Variants in GRIK1 observed in about 807,000 individuals in gnomAD.
GRIK1 encodes the protein glutamate receptor ionotropic, kainate 1.
In GRIK1, 69 loss-of-function variants were observed where a neutral mutation model predicts 105.7. The observed-to-expected ratio is 0.65, with a 90% CI of 0.54 to 0.80. The LOEUF is 0.80. Ranked by LOEUF, GRIK1 falls within the 30% of genes least tolerant of loss-of-function variation. The pLI, the probability that GRIK1 is intolerant of heterozygous loss-of-function variation, is 0.00. For missense variants in GRIK1, 1,109 were observed against 1,167.3 expected (o/e 0.95, Z 0.73); for synonymous variants, 438 against 431.3 (o/e 1.02, Z -0.19).
chr21:29,737,177 A>G (rs762420930), intron 1 of GRIK1, among the ~76,000 whole-genome samples: 8 of 152,168 alleles, frequency 5.3e-5, no homozygotes, highest in Non-Finnish European at 8.8e-5. Context: ...TGTGGCCTGT[A>G]AGACCTTGCC....
At chr21:29,867,491 G>A (rs1412937299) in intron 1 of GRIK1, among the ~76,000 whole-genome samples, 1 of 151,902 alleles carries the variant, frequency 6.6e-6, no homozygotes, top group Non-Finnish European at 1.5e-5. Flanking sequence ...CCATCACCAC[G>A]ACTTCAGAAA....
chr21:29,927,620 C>T (rs2071421111), intron 1 of GRIK1, among the ~76,000 whole-genome samples: 1 of 151,318 alleles, frequency 6.6e-6, no homozygotes, highest in Admixed American at 6.6e-5. Context: ...CACCTGTAAT[C>T]CCAGCACTTT....
At chr21:29,538,402 C>A (rs1049077448) in intron 16 of GRIK1, among the ~76,000 whole-genome samples, 2 of 151,988 alleles carry the variant, frequency 1.3e-5, no homozygotes, top group African/African-American at 4.8e-5. Flanking sequence ...ATGGTAGTTG[C>A]CAAAGGCTGG....
At chr21:29,673,550 C>T (rs937276022) in intron 3 of GRIK1, among the ~76,000 whole-genome samples, 9 of 152,080 alleles carry the variant, frequency 5.9e-5, no homozygotes, top group Admixed American at 1.3e-4. Flanking sequence ...CTTACAAAGC[C>T]GATAGAATAT....
chr21:29,566,466 T>C (rs925025260), intron 14 of GRIK1, among the ~76,000 whole-genome samples: 3 of 152,228 alleles, frequency 2.0e-5, no homozygotes, highest in Non-Finnish European at 4.4e-5. Flanking sequence ...GCTATCCTCA[T>C]GCTGATGAAA....
chr21:29,922,966 CCTT>C (rs1325711545), intron 1 of GRIK1, among the ~76,000 whole-genome samples: 2 of 152,176 alleles, frequency 1.3e-5, no homozygotes, highest in East Asian at 1.9e-4. Flanking sequence ...AAGCAATCAC[CCTT>C]CTTCTTTCTT....
chr21:29,869,530 C>T (rs755014089), intron 1 of GRIK1, among the ~76,000 whole-genome samples: 1 of 152,204 alleles, frequency 6.6e-6, no homozygotes, highest in Non-Finnish European at 1.5e-5. Flanking sequence ...TAAGTTCTTA[C>T]TACCGGCATG....
At chr21:29,779,795 A>G (rs894561062) in intron 1 of GRIK1, among the ~76,000 whole-genome samples, 1 of 152,198 alleles carries the variant, frequency 6.6e-6, no homozygotes, top group Non-Finnish European at 1.5e-5. Flanking sequence ...GGTCTTATAA[A>G]AAGTTACATT....
intron 1 of GRIK1, among the ~76,000 whole-genome samples, chr21:29,880,167 A>C (rs1316216644): frequency 1.3e-5 from 2 of 152,136 alleles, no homozygotes; most frequent in Non-Finnish European, 2.9e-5. Flanking sequence ...AACACAAAAA[A>C]ACCTCAAGTC....
At chr21:29,872,110 G>T (rs1195368291) in intron 1 of GRIK1, among the ~76,000 whole-genome samples, 1 of 151,672 alleles carries the variant, frequency 6.6e-6, no homozygotes, top group Non-Finnish European at 1.5e-5. Flanking sequence ...AAATATTAAT[G>T]GTGTACGACA....
chr21:29,673,258 A>G (rs997632289), intron 3 of GRIK1, 94 bp from the exon 4 acceptor site: 9 of 757,404 alleles, frequency 1.2e-5, no homozygotes, highest in Non-Finnish European at 1.7e-5. Flanking sequence ...ACTCCAAAAC[A>G]TACCCAGTGG....
At chr21:29,545,237 A>T (rs771247064) in intron 16 of GRIK1, among the ~76,000 whole-genome samples, 1 of 152,240 alleles carries the variant, frequency 6.6e-6, no homozygotes. Flanking sequence ...ATAAGCTTCC[A>T]GTGGGCCTTG....
At chr21:29,631,113 G>A (rs371667887) in intron 7 of GRIK1, among the ~76,000 whole-genome samples, 65 of 152,048 alleles carry the variant, frequency 4.3e-4, no homozygotes, top group Admixed American at 1.0e-3. Flanking sequence ...TAGCCAGTTC[G>A]TGGTAAGTTT....
intron 1 of GRIK1, among the ~76,000 whole-genome samples, chr21:29,878,251 A>G (rs963312641): frequency 1.3e-5 from 2 of 152,154 alleles, no homozygotes; most frequent in African/African-American, 4.8e-5. Context: ...GGTCACCTAT[A>G]GCCTCAGCAA....
chr21:29,743,702 A>T (rs982945794), intron 1 of GRIK1, among the ~76,000 whole-genome samples: 1 of 152,052 alleles, frequency 6.6e-6, no homozygotes, highest in African/African-American at 2.4e-5. Context: ...CTCAGAAAAA[A>T]ATATATATAT....
intron 12 of GRIK1, among the ~76,000 whole-genome samples, chr21:29,586,207 C>T (rs1449571831): frequency 6.6e-6 from 1 of 152,142 alleles, no homozygotes; most frequent in Non-Finnish European, 1.5e-5. Flanking sequence ...AAAATCTGAG[C>T]TTTGGTAAGG....
rs571085419 is a variant in GRIK1, at chr21:29,855,154, C to G, written c.118+84229G>C. On this transcript the variant is annotated intron_variant, in intron 1 of 17. Transcript: ENST00000327783. ...ACTATCAAACTAGTATGTATTGGAA[C>G]CCTGTGAGATATCACTCATTGTCCT... Among the ~76,000 whole-genome samples the G allele has an allele frequency of 2.8e-3, 424 of 152,232 alleles. 3 individuals carry two copies. The highest frequency in any genetic ancestry group is 9.4e-3 in the African/African-American group (389 of 41,528).
At chr21:29,553,534 T>TTC in intron 16 of GRIK1, 1 of 1,060,442 alleles carries the variant, frequency 9.4e-7, no homozygotes, top group Non-Finnish European at 1.2e-6. Context: ...GGGCACATCT[T>TTC]TTTTTTTTTT....
chr21:29,720,497 G>C (rs943499467), intron 1 of GRIK1, among the ~76,000 whole-genome samples: 8 of 149,756 alleles, frequency 5.3e-5, no homozygotes, highest in Non-Finnish European at 1.0e-4. Context: ...GTGTGTATAT[G>C]TGTGTGTGTG....
Sources: gnomAD v4.1 joint callset for allele counts (sites outside exome capture counted in the v4.1 genomes callset) on GRCh38, gnomAD v4.1.1 for gene constraint, MANE v1.5 for transcripts, NCBI Gene and HGNC (gene_info 2026-07-23, HGNC 2026-07-21) for gene names.